The following HMCN1 variants were observed in gnomAD, a reference collection of about 807,000 sequenced individuals.
The protein encoded by HMCN1 is hemicentin-1.
In HMCN1, 321 loss-of-function variants were observed where a neutral mutation model predicts 625.9. That is an observed-to-expected ratio of 0.51 (90% CI 0.47 to 0.56). HMCN1 has a LOEUF of 0.56. Among genes scored for constraint, HMCN1 ranks in the 20% least tolerant of loss-of-function variants. HMCN1 has a pLI of 0.00. For missense variants in HMCN1, 6,588 were observed against 6,887.3 expected, an observed-to-expected ratio of 0.96 and a Z score of 1.54; for synonymous variants, 2,425 against 2,417.6, an observed-to-expected ratio of 1.00 and a Z score of -0.09.
At chr1:185,741,709 T>G (rs938307097) in intron 1 of HMCN1, among the ~76,000 whole-genome samples, 1 of 152,194 alleles carries the variant, frequency 6.6e-6, no homozygotes, top group Non-Finnish European at 1.5e-5. Context: ...AACTAATTGG[T>G]CACTTAAAAG....
Position 186,114,059 on chromosome 1 carries a change from G to C in HMCN1, c.11212G>C (p.Gly3738Arg). 1 of 1,614,080 alleles carries C rather than the reference G, an allele frequency of 6.2e-7. No individual in the cohort carries two copies. The highest frequency in any genetic ancestry group is 8.5e-7 in the Non-Finnish European group (1 of 1,179,976). Residue 3738 changes from glycine (G) to arginine (R), a missense_variant, in exon 73 of 107, where the codon GGT (glycine) becomes CGT (arginine). This residue lies in a region of HMCN1 where 4,628 missense variants were observed against 4,853.1 expected (regional missense o/e 0.95). Transcript: ENST00000271588. ...AACTGTATTGGAATGCATCGCTGAA[G>C]GTGTGCCAACTCCAAGGATAACATG... is the stretch of plus-strand genomic sequence containing the variant. ...KSTVLECIAEGVPTPRITWRK... is the reference protein window; with the variant it reads ...KSTVLECIAERVPTPRITWRK...
rs541363344 is a variant in HMCN1, at chr1:185,991,556, A to C, written c.3377+1113A>C. Among the ~76,000 whole-genome samples, 14 of 152,268 alleles carry C rather than the reference A, an allele frequency of 9.2e-5. No individual in the cohort carries two copies. The East Asian group carries it at 2.7e-3, about 29-fold the overall frequency. On this transcript the variant is annotated intron_variant, in intron 22 of 106. Coordinates refer to ENST00000271588, the MANE Select transcript of HMCN1 (RefSeq NM_031935.3). ...TCAATTTGCCATTGTAACAAATGGT[A>C]TATTATTATTTTGTTACTTGCCTTA... is the stretch of plus-strand genomic sequence containing the variant.
intron 103 of HMCN1, chr1:186,177,080 G>A (rs1197067254): frequency 6.7e-6 from 1 of 148,964 alleles, no homozygotes; most frequent in African/African-American, 2.6e-5. Context: ...CGAGGCGGGT[G>A]GATCACGAGG....
intron 81 of HMCN1, 96 bp downstream of exon 81, chr1:186,123,316 T>A: frequency 7.1e-7 from 1 of 1,413,590 alleles, no homozygotes; most frequent in Non-Finnish European, 9.7e-7. Flanking sequence ...CAAAAACCCT[T>A]AAACTCAGTA....
At chr1:186,070,930 G>C (rs10911811) in intron 52 of HMCN1, among the ~76,000 whole-genome samples, 173 bp downstream of exon 52, 94,785 of 151,844 alleles carry the variant, frequency 0.62, 31,425 homozygotes, top group African/African-American at 0.87. Flanking sequence ...CCAACCTGAA[G>C]GATGTTCAAC....
intron 1 of HMCN1, among the ~76,000 whole-genome samples, chr1:185,844,578 TG>T (rs1478518236): frequency 6.6e-6 from 1 of 152,240 alleles, no homozygotes; most frequent in Non-Finnish European, 1.5e-5. Context: ...GAAAACATTT[TG>T]TAAAAGCTAA....
intron 4 of HMCN1, among the ~76,000 whole-genome samples, chr1:185,908,783 A>G (rs907516507): frequency 3.3e-5 from 5 of 150,134 alleles, no homozygotes; most frequent in Admixed American, 1.3e-4. Flanking sequence ...TCTTTTAGTG[A>G]CATTGCAATT....
chr1:185,820,266 T>C (rs1179558414), intron 1 of HMCN1, among the ~76,000 whole-genome samples: 3 of 152,312 alleles, frequency 2.0e-5, no homozygotes, highest in Non-Finnish European at 4.4e-5. Context: ...GCCTTTTTCA[T>C]TTCTTCTGGA....
chr1:185,934,360 A>T (rs1571580830), intron 11 of HMCN1, among the ~76,000 whole-genome samples: 1 of 152,270 alleles, frequency 6.6e-6, no homozygotes, highest in African/African-American at 2.4e-5. Context: ...ACACACACAC[A>T]TACACACGCG....
At chr1:185,975,257 C>T (rs1651115136) in intron 15 of HMCN1, among the ~76,000 whole-genome samples, 1 of 152,118 alleles carries the variant, frequency 6.6e-6, no homozygotes, top group Admixed American at 6.6e-5. Flanking sequence ...TAAAGAAATT[C>T]CAAAGACTGG....
intron 84 of HMCN1, 101 bp from the exon 85 acceptor site, chr1:186,130,406 A>G (rs1428661639): frequency 1.7e-6 from 2 of 1,184,418 alleles, no homozygotes; most frequent in Admixed American, 3.7e-5. Flanking sequence ...AGGTGGCTTT[A>G]CTCCCCTCTT....
chr1:185,995,116 A>G (rs1447891837), intron 24 of HMCN1, 29 bp downstream of exon 24: 1 of 1,606,296 alleles, frequency 6.2e-7, no homozygotes. Context: ...AAATATATGT[A>G]TGTAGGGTGG....
Position 186,088,292 on chromosome 1 carries a change from A to G in HMCN1, c.9577+16A>G. ...AAGCGCATAGGTAAGGCAACCATGC[A>G]TTTTTGTGTGTGTGTGTGTTTTTTT... On this transcript the variant is annotated intron_variant, in intron 62 of 106. Transcript: ENST00000271588. The G allele has an allele frequency of 6.2e-7, 1 of 1,612,124 alleles. No individual in the cohort carries two copies. The highest frequency in any genetic ancestry group is 8.5e-7 in the Non-Finnish European group (1 of 1,178,788).
chr1:185,900,238 TG>T (rs1665725824), intron 4 of HMCN1, among the ~76,000 whole-genome samples: 1 of 152,068 alleles, frequency 6.6e-6, no homozygotes, highest in Non-Finnish European at 1.5e-5. Flanking sequence ...TTCTAAGATT[TG>T]TACAGTTGTT....
At chr1:185,866,786 T>A (rs1294988431) in intron 4 of HMCN1, among the ~76,000 whole-genome samples, 1 of 152,154 alleles carries the variant, frequency 6.6e-6, no homozygotes, top group Non-Finnish European at 1.5e-5. Context: ...TTTATGTATT[T>A]GACTCTCATT....
At chr1:186,053,468 C>T (rs956315953) in intron 43 of HMCN1, among the ~76,000 whole-genome samples, 35 of 152,028 alleles carry the variant, frequency 2.3e-4, no homozygotes, top group African/African-American at 8.2e-4. Context: ...AATAGATCTA[C>T]GTAATAAACC....
Position 185,997,416 on chromosome 1 carries a change from A to AT in HMCN1, c.3779-9dup. The AT allele has an allele frequency of 6.4e-7, 1 of 1,564,950 alleles. No homozygotes were observed. The highest frequency in any genetic ancestry group is 8.8e-7 in the Non-Finnish European group (1 of 1,136,100). ...AAAGAAAGCCTGTGATAATGCATTT[A>AT]TTTTCCTAATAGAACCACCCACAGT... On this transcript the variant is annotated splice_polypyrimidine_tract_variant and intron_variant, in intron 24 of 106. Transcript: ENST00000271588.
Position 185,956,197 on chromosome 1 carries a change from A to AT in HMCN1, c.1829-6312dup, listed in dbSNP as rs200959102. 3.9e-3 allele frequency among the ~76,000 whole-genome samples: 597 copies of AT among 151,492 alleles called. 4 individuals are homozygous for AT. Among genetic ancestry groups the AT allele is most frequent in the Middle Eastern group, 0.031 (9 of 292 alleles). ...TCACTTCTGACATCAGATATGTGGG[A>AT]TTTTTTTTTCCCTCATACACCAAGC... is the stretch of plus-strand genomic sequence containing the variant. On this transcript the variant is annotated intron_variant, in intron 11 of 106. Transcript: ENST00000271588.
intron 11 of HMCN1, among the ~76,000 whole-genome samples, chr1:185,945,311 A>C (rs987246071): frequency 6.6e-6 from 1 of 152,206 alleles, no homozygotes; most frequent in Admixed American, 6.5e-5. Flanking sequence ...TTTTTCCATA[A>C]TAACAAAACA....
Sources: gnomAD v4.1 joint callset for allele counts (sites outside exome capture counted in the v4.1 genomes callset) on GRCh38, gnomAD v4.1.1 for gene constraint, gnomAD v4.1.1 regional missense constraint, MANE v1.5 for transcripts, NCBI Gene and HGNC (gene_info 2026-07-23, HGNC 2026-07-21) for gene names.